Variants in SPOCK1 observed in about 807,000 individuals in gnomAD.
The protein encoded by SPOCK1 is testican-1.
A neutral mutation model predicts 55.3 loss-of-function variants in SPOCK1; 23 were observed. The ratio of observed to expected loss-of-function variants is 0.42; its 90% CI spans 0.30 to 0.59. The LOEUF (loss-of-function observed/expected upper bound fraction) is 0.59, where lower values mean the gene tolerates loss of function less well. Ranked by LOEUF, SPOCK1 falls within the 20% of genes least tolerant of loss-of-function variation. SPOCK1 has a pLI of 0.22. For synonymous variants in SPOCK1, 226 were observed against 221.0 expected (o/e 1.02, Z -0.20); for missense variants, 499 against 552.5 (o/e 0.90, Z 0.97).
intron 9 of SPOCK1, among the ~76,000 whole-genome samples, chr5:136,984,197 T>C (rs1750793339): frequency 6.6e-6 from 1 of 152,180 alleles, no homozygotes; most frequent in Admixed American, 6.5e-5. Context: ...GAAGTCTACA[T>C]GCATTTTGAA....
intron 2 of SPOCK1, among the ~76,000 whole-genome samples, chr5:137,407,765 A>G (rs2127187314): frequency 6.6e-6 from 1 of 152,308 alleles, no homozygotes; most frequent in South Asian, 2.1e-4. Flanking sequence ...AGAAAACACA[A>G]GCCACTGCGC....
chr5:137,159,675 CT>C (rs970885738), intron 3 of SPOCK1, among the ~76,000 whole-genome samples: 5 of 152,184 alleles, frequency 3.3e-5, no homozygotes, highest in South Asian at 2.1e-4. Flanking sequence ...CAATTTTATT[CT>C]TTTTTTATGG....
chr5:137,345,157 T>TA (rs1234623513), intron 2 of SPOCK1, among the ~76,000 whole-genome samples: 1 of 152,254 alleles, frequency 6.6e-6, no homozygotes, highest in African/African-American at 2.4e-5. Flanking sequence ...CTGCCTAATG[T>TA]AACTTGTATG....
intron 5 of SPOCK1, among the ~76,000 whole-genome samples, chr5:137,069,334 AC>A (rs921161332): frequency 3.0e-4 from 46 of 152,346 alleles, no homozygotes; most frequent in African/African-American, 1.0e-3. Flanking sequence ...TTGATACAAA[AC>A]TTCCTCTTGT....
At chr5:137,107,285 T>C (rs1753387844) in intron 5 of SPOCK1, among the ~76,000 whole-genome samples, 1 of 152,210 alleles carries the variant, frequency 6.6e-6, no homozygotes, top group South Asian at 2.1e-4. Context: ...AATACATATT[T>C]ATTGAATTTC....
intron 6 of SPOCK1, among the ~76,000 whole-genome samples, chr5:137,032,245 T>C (rs1038835081): frequency 2.0e-5 from 3 of 151,956 alleles, no homozygotes; most frequent in Admixed American, 6.6e-5. Flanking sequence ...AACAAACAGA[T>C]AAACATGTCT....
At chr5:137,283,202 C>T (rs1423570208) in intron 2 of SPOCK1, among the ~76,000 whole-genome samples, 4 of 152,154 alleles carry the variant, frequency 2.6e-5, no homozygotes, top group Non-Finnish European at 5.9e-5. Context: ...ACCCCTTTTG[C>T]CTCTACCTCC....
intron 2 of SPOCK1, among the ~76,000 whole-genome samples, chr5:137,311,585 G>C (rs775213809): frequency 6.6e-6 from 1 of 152,092 alleles, no homozygotes. Flanking sequence ...TATCTACTCC[G>C]CTCTTTTCCT....
At chr5:137,062,101 C>T (rs1580730821) in intron 6 of SPOCK1, among the ~76,000 whole-genome samples, 1 of 152,242 alleles carries the variant, frequency 6.6e-6, no homozygotes, top group East Asian at 1.9e-4. Context: ...ACTCTTCCCA[C>T]AGGTGTAATC....
At chr5:137,014,896 G>A (rs542974659) in intron 6 of SPOCK1, among the ~76,000 whole-genome samples, 45 of 152,198 alleles carry the variant, frequency 3.0e-4, no homozygotes, top group African/African-American at 9.6e-4. Context: ...CACGGTGGGG[G>A]TCTTGCTGAG....
chr5:137,164,066 A>C (rs2127053884), intron 3 of SPOCK1, among the ~76,000 whole-genome samples: 1 of 152,272 alleles, frequency 6.6e-6, no homozygotes, highest in Middle Eastern at 3.4e-3. Flanking sequence ...GTTCATTTGC[A>C]CTTTTGAGCA....
intron 6 of SPOCK1, among the ~76,000 whole-genome samples, chr5:137,020,250 G>C (rs559761955): frequency 3.4e-4 from 51 of 151,480 alleles, no homozygotes; most frequent in African/African-American, 1.1e-3. Context: ...AAAGGATAAA[G>C]AAATATTTAA....
In SPOCK1 at chr5:137,021,452, G is replaced by C. The variant is rs7726230; in HGVS notation, c.590-28852C>G. On this transcript the variant is annotated intron_variant, in intron 6 of 10. Transcript: ENST00000394945. ...AGGATGGGGTTAGGAGGTGACACAAGGTAACTTGGAAATTAATGGCAATAA... is the reference window on the plus strand; with the variant it reads ...AGGATGGGGTTAGGAGGTGACACAACGTAACTTGGAAATTAATGGCAATAA... Among the ~76,000 whole-genome samples, 782 of 152,208 alleles carry C rather than the reference G, an allele frequency of 5.1e-3. 11 individuals are homozygous for C. Among genetic ancestry groups the C allele is most frequent in the African/African-American group, 0.018 (750 of 41,532 alleles).
intron 3 of SPOCK1, among the ~76,000 whole-genome samples, chr5:137,207,198 C>G (rs73304877): frequency 6.6e-6 from 1 of 152,194 alleles, no homozygotes; most frequent in Admixed American, 6.5e-5. Context: ...GTTCCTTCCA[C>G]GCCTGTCACC....
At chr5:137,079,301 T>C (rs1222799954) in intron 5 of SPOCK1, among the ~76,000 whole-genome samples, 1 of 152,232 alleles carries the variant, frequency 6.6e-6, no homozygotes, top group Non-Finnish European at 1.5e-5. Context: ...AAATAAATGT[T>C]GGACAGCTAT....
intron 5 of SPOCK1, among the ~76,000 whole-genome samples, chr5:137,101,445 T>A (rs1421374992): frequency 1.3e-5 from 2 of 152,272 alleles, no homozygotes; most frequent in East Asian, 1.9e-4. Context: ...TTCTTCCTAA[T>A]GTGTTTTTAA....
chr5:137,288,562 T>C (rs1757309303), intron 2 of SPOCK1, among the ~76,000 whole-genome samples: 1 of 152,126 alleles, frequency 6.6e-6, no homozygotes, highest in Non-Finnish European at 1.5e-5. Flanking sequence ...ACAGAGAGGG[T>C]CCAGAAGCAG....
chr5:137,006,912 G>T (rs1335403741), intron 6 of SPOCK1, among the ~76,000 whole-genome samples: 1 of 152,136 alleles, frequency 6.6e-6, no homozygotes, highest in Non-Finnish European at 1.5e-5. Context: ...ATGAAGCATT[G>T]TTGAATTTTG....
rs150259558 is a variant in SPOCK1, at chr5:137,430,381, C to CT, written c.186+67991dup. 2.6e-5 allele frequency among the ~76,000 whole-genome samples: 4 copies of CT among 152,328 alleles called. No individual in the cohort carries two copies. In the East Asian group the frequency reaches 7.7e-4, roughly 29 times the overall value. Reference sequence around the variant, plus strand: ...CAGCTTCTTCCTTCATCCAGGACAGCTGGGTGTCCTGGAAGCTTTTCTACC... The same window carrying CT: ...CAGCTTCTTCCTTCATCCAGGACAGCTTGGGTGTCCTGGAAGCTTTTCTACC... On this transcript the variant is annotated intron_variant, in intron 2 of 10. Transcript: ENST00000394945.
Sources: gnomAD v4.1 joint callset for allele counts (sites outside exome capture counted in the v4.1 genomes callset) on GRCh38, gnomAD v4.1.1 for gene constraint, MANE v1.5 for transcripts, NCBI Gene and HGNC (gene_info 2026-07-23, HGNC 2026-07-21) for gene names.